RIN3: variants seen among roughly 807,000 people sequenced by gnomAD.
The protein encoded by RIN3 is RAB5 interacting protein 3.
A neutral mutation model predicts 76.3 loss-of-function variants in RIN3; 54 were observed. The observed-to-expected ratio is 0.71, with a 90% CI of 0.57 to 0.89. The LOEUF is 0.89. RIN3 is among the 40% of genes least tolerant of loss of function. RIN3 has a pLI of 0.00. For synonymous variants in RIN3, 576 were observed against 564.0 expected (o/e 1.02, Z -0.30); for missense variants, 1,256 against 1,322.1 (o/e 0.95, Z 0.78).
intron 3 of RIN3, among the ~76,000 whole-genome samples, chr14:92,588,313 C>T (rs1361872287): frequency 6.7e-6 from 1 of 148,590 alleles, no homozygotes; most frequent in East Asian, 2.0e-4. Flanking sequence ...CTGCAACTTC[C>T]GCCTCCTGGG....
intron 7 of RIN3, among the ~76,000 whole-genome samples, chr14:92,670,279 G>A (rs1888245175): frequency 6.6e-6 from 1 of 152,156 alleles, no homozygotes; most frequent in Non-Finnish European, 1.5e-5. Flanking sequence ...CCTACAGATG[G>A]CAAACAGATG....
At chr14:92,563,757 G>C (rs749654518) in intron 2 of RIN3, among the ~76,000 whole-genome samples, 2 of 152,146 alleles carry the variant, frequency 1.3e-5, no homozygotes, top group Non-Finnish European at 2.9e-5. Flanking sequence ...GTTGAGAATT[G>C]CTGCTCTGTG....
In RIN3 at chr14:92,685,278, T is replaced by A; in HGVS notation, c.2631+128T>A. On this transcript the variant is annotated intron_variant, in intron 9 of 9. Coordinates refer to ENST00000216487, the MANE Select transcript of RIN3 (RefSeq NM_024832.5). This position sits in a 1 kb window ranked among gnomAD's most constrained non-coding sequence, Gnocchi z 4.7. Reference sequence around the variant, plus strand: ...GCCCAGCCCTGCCTTAGGGGAGCAGTGAGACTCCCCACACCAGAGGAAGGG... The same window carrying A: ...GCCCAGCCCTGCCTTAGGGGAGCAGAGAGACTCCCCACACCAGAGGAAGGG... The A allele has an allele frequency of 1.0e-6, 1 of 983,594 alleles. No homozygotes were observed. The highest frequency in any genetic ancestry group is 1.5e-6 in the Non-Finnish European group (1 of 680,164). The allele number at this position is 983,594 out of a possible 1,614,324, so 60.9% of individuals were successfully genotyped here.
rs1345069291 is a variant in RIN3 at position 92,577,487 on chromosome 14, C to G, written c.367+10C>G. 7 of 1,570,576 alleles carry G rather than the reference C, an allele frequency of 4.5e-6. No homozygotes were observed. The highest frequency in any genetic ancestry group is 6.1e-6 in the Non-Finnish European group (7 of 1,141,798). On this transcript the variant is annotated intron_variant, in intron 3 of 9. Transcript: ENST00000216487. ...AAGGAAGAAAAGTCGAGTAAGTACC[C>G]ATCTTCTCTGTTTTCACTTTGACCA...
At chr14:92,545,951 A>G (rs1004155484) in intron 1 of RIN3, among the ~76,000 whole-genome samples, 1 of 150,218 alleles carries the variant, frequency 6.7e-6, no homozygotes, top group East Asian at 2.0e-4. Context: ...TTTGAGACGT[A>G]GTCTTGCTTT....
At chr14:92,632,016 C>T (rs1886604558) in intron 4 of RIN3, among the ~76,000 whole-genome samples, 1 of 152,042 alleles carries the variant, frequency 6.6e-6, no homozygotes, top group African/African-American at 2.4e-5. Context: ...GACTTGCCCT[C>T]GAGGAGAAAG....
At chr14:92,634,123 G>A (rs1211930063) in intron 4 of RIN3, among the ~76,000 whole-genome samples, 1 of 146,820 alleles carries the variant, frequency 6.8e-6, no homozygotes, top group African/African-American at 2.5e-5. Flanking sequence ...TGCCCAGGCT[G>A]GAGTGCAATG....
intron 4 of RIN3, among the ~76,000 whole-genome samples, chr14:92,626,637 G>A (rs1190340102): frequency 6.6e-6 from 1 of 152,120 alleles, no homozygotes; most frequent in Non-Finnish European, 1.5e-5. Context: ...ATGGGGTGGT[G>A]GTAATTCCCA....
intron 4 of RIN3, among the ~76,000 whole-genome samples, chr14:92,630,506 C>T (rs1371271908): frequency 6.6e-6 from 1 of 152,148 alleles, no homozygotes; most frequent in Non-Finnish European, 1.5e-5. Flanking sequence ...AGAAACAGCA[C>T]CCTGCCCCCA....
intron 7 of RIN3, among the ~76,000 whole-genome samples, chr14:92,668,084 C>A (rs564594363): frequency 6.6e-6 from 1 of 152,324 alleles, no homozygotes; most frequent in African/African-American, 2.4e-5. Context: ...TCTGTCTTGT[C>A]ATGTCATCCT....
intron 2 of RIN3, among the ~76,000 whole-genome samples, chr14:92,562,304 G>A (rs754917907): frequency 6.6e-6 from 1 of 151,918 alleles, no homozygotes; most frequent in Non-Finnish European, 1.5e-5. Flanking sequence ...CAATTGCTGG[G>A]GTTGTGTTCT....
intron 7 of RIN3, among the ~76,000 whole-genome samples, chr14:92,672,306 G>A (rs1888311855): frequency 6.6e-6 from 1 of 152,156 alleles, no homozygotes; most frequent in African/African-American, 2.4e-5. Flanking sequence ...CAGCTACTCA[G>A]GAGGCTGAGA....
At chr14:92,619,373 A>G (rs1259759190) in intron 4 of RIN3, among the ~76,000 whole-genome samples, 3 of 152,010 alleles carry the variant, frequency 2.0e-5, no homozygotes, top group African/African-American at 4.8e-5. Flanking sequence ...CTTTTACAAA[A>G]AAAAACACAC....
chr14:92,558,111 G>A (rs979673304), intron 2 of RIN3, among the ~76,000 whole-genome samples: 1 of 152,214 alleles, frequency 6.6e-6, no homozygotes, highest in Non-Finnish European at 1.5e-5. Flanking sequence ...CACTTTGGGA[G>A]GCCACGGCAG....
chr14:92,680,539 G>A (rs1223994003), intron 8 of RIN3, among the ~76,000 whole-genome samples: 1 of 152,134 alleles, frequency 6.6e-6, no homozygotes, highest in Non-Finnish European at 1.5e-5. Context: ...ATTTATGAGG[G>A]CTCCACCCTC....
chr14:92,683,037 C>T (rs535045529), intron 8 of RIN3, among the ~76,000 whole-genome samples: 14 of 152,160 alleles, frequency 9.2e-5, no homozygotes, highest in African/African-American at 2.4e-4. Flanking sequence ...CGTGGTGGTG[C>T]GTGCCTATAA....
chr14:92,602,145 T>C lies in RIN3; in HGVS notation c.368-13262T>C, dbSNP rs1595447361. On this transcript the variant is annotated intron_variant, in intron 3 of 9. Coordinates refer to ENST00000216487, the MANE Select transcript of RIN3 (RefSeq NM_024832.5). Reference sequence around the variant, plus strand: ...CCCAGGATGGTGAAAAGAAATGAGGTCTGGGCCCTGCTCTCTGGAAGCTTC... The same window carrying C: ...CCCAGGATGGTGAAAAGAAATGAGGCCTGGGCCCTGCTCTCTGGAAGCTTC... Among the ~76,000 whole-genome samples, 4 of 152,104 alleles carry C rather than the reference T, an allele frequency of 2.6e-5. No individual in the cohort carries two copies. In the Middle Eastern group the frequency reaches 0.014, roughly 517 times the overall value.
intron 2 of RIN3, among the ~76,000 whole-genome samples, chr14:92,559,733 G>T (rs145469548): frequency 1.4e-4 from 21 of 152,342 alleles, no homozygotes; most frequent in Non-Finnish European, 2.8e-4. Flanking sequence ...AGGTTGGGAT[G>T]GGGGAGCTGA....
chr14:92,681,100 C>T lies in RIN3; in HGVS notation c.2468-3887C>T, dbSNP rs1469237994. Among the ~76,000 whole-genome samples the T allele has an allele frequency of 6.6e-6, 1 of 152,218 alleles. No individual in the cohort carries two copies. ...CTGGTCCCAAAAGTGCCCTCTTGGA[C>T]CCCTTTGCCCATGTCCCTTCCCTAG... On this transcript the variant is annotated intron_variant, in intron 8 of 9. Coordinates refer to ENST00000216487, the MANE Select transcript of RIN3 (RefSeq NM_024832.5). The surrounding 1 kb of genome is among the most constrained non-coding windows in gnomAD (Gnocchi z 4.7).
Sources: allele counts gnomAD v4.1 joint callset (sites outside exome capture counted in the v4.1 genomes callset), GRCh38; gene constraint gnomAD v4.1.1; non-coding constraint Gnocchi (gnomAD v3.1); transcripts MANE v1.5; gene names NCBI Gene and HGNC (gene_info 2026-07-23, HGNC 2026-07-21).